The following ARID5B variants were observed in gnomAD, a reference collection of about 807,000 sequenced individuals.
ARID5B encodes AT-rich interactive domain-containing protein 5B.
Under a neutral mutation model 97.2 loss-of-function variants are expected in ARID5B, and 13 were observed. The observed-to-expected ratio is 0.13, with a 90% confidence interval of 0.09 to 0.21. The LOEUF (loss-of-function observed/expected upper bound fraction) is 0.21. Ranked by LOEUF, ARID5B falls within the 10% of genes least tolerant of loss-of-function variation. The probability of loss-of-function intolerance (pLI) is 1.00; values close to 1 mark genes in which losing one functional copy is unlikely to be tolerated. For synonymous variants in ARID5B, 556 were observed against 570.3 expected, an observed-to-expected ratio of 0.97 and a Z score of 0.36; for missense variants, 1,210 against 1,465.3, an observed-to-expected ratio of 0.83 and a Z score of 2.84.
In ARID5B at chr10:62,091,915, G is replaced by T; in HGVS notation, c.2452G>T (p.Ala818Ser). ...EGKDKLLEKR[A>S]LPHSHMPSFL... ...CAAGGATAAACTCTTAGAGAAAAGG[G>T]CCCTCCCCCATTCCCACATGCCTAG... The change falls in exon 10 of 10, where the codon GCC becomes TCC. Residue 818 changes from alanine to serine, a missense_variant. Ala to Ser is a moderately conservative substitution (Grantham distance 99). Coordinates refer to ENST00000279873, the MANE Select transcript of ARID5B (RefSeq NM_032199.3). The T allele has an allele frequency of 6.2e-7, 1 of 1,613,816 alleles. No homozygotes were observed.
intron 3 of ARID5B, among the ~76,000 whole-genome samples, chr10:61,968,035 G>A (rs189283149): frequency 5.3e-5 from 8 of 150,640 alleles, no homozygotes; most frequent in East Asian, 3.9e-4. Flanking sequence ...TTGAAAATGC[G>A]CATTTTCTTA....
At position 62,029,135 on chromosome 10, in the gene ARID5B, C is replaced by G. The variant is rs968429324; in HGVS notation, c.734-21753C>G. Reference sequence around the variant, plus strand: ...CAGTGAGTGCACAGAGAGGCCTAGGCTTTAGAATATCCAGAATATTGCAGA... The same window carrying G: ...CAGTGAGTGCACAGAGAGGCCTAGGGTTTAGAATATCCAGAATATTGCAGA... On this transcript the variant is annotated intron_variant, in intron 4 of 9. Transcript: ENST00000279873. 3.2e-4 allele frequency among the ~76,000 whole-genome samples: 49 copies of G among 152,286 alleles called. 1 individual carries two copies. The highest frequency in any genetic ancestry group is 6.2e-4 in the South Asian group (3 of 4,826).
intron 2 of ARID5B, among the ~76,000 whole-genome samples, chr10:61,909,550 C>T (rs572255357): frequency 1.3e-5 from 2 of 152,142 alleles, no homozygotes; most frequent in Non-Finnish European, 2.9e-5. Flanking sequence ...TGGTCCCGAT[C>T]TCCTGACCTC....
rs568045823 is a variant in ARID5B, at chr10:62,082,508, T to C, written c.1200-3194T>C. ...GCTGGAGTGCATGTTTGCTTTTATCTGTACAGTTTAGAAACTGATAAAATC... is the reference window on the plus strand; with the variant it reads ...GCTGGAGTGCATGTTTGCTTTTATCCGTACAGTTTAGAAACTGATAAAATC... On this transcript the variant is annotated intron_variant, in intron 8 of 9. Transcript: ENST00000279873. 1.7e-4 allele frequency among the ~76,000 whole-genome samples: 26 copies of C among 152,356 alleles called. No homozygotes were observed. In the South Asian group the frequency reaches 2.7e-3, roughly 16 times the overall value.
chr10:61,983,206 A>T (rs1838800759), intron 3 of ARID5B, among the ~76,000 whole-genome samples: 1 of 152,200 alleles, frequency 6.6e-6, no homozygotes, highest in Non-Finnish European at 1.5e-5. Flanking sequence ...AGCAGCCAAT[A>T]AAAAGAGAAT....
chr10:61,946,678 T>C (rs1260579689), intron 3 of ARID5B, among the ~76,000 whole-genome samples: 1 of 152,198 alleles, frequency 6.6e-6, no homozygotes, highest in Non-Finnish European at 1.5e-5. Flanking sequence ...ATCCCAAAAC[T>C]TTGGGAGGCC....
In ARID5B at chr10:62,057,177, G is replaced by T; in HGVS notation, c.907G>T (p.Val303Phe). ...KPKNNHNCKK[V>F]SNEEKPKVAI... ...GAAGAATAACCATAACTGTAAAAAA[G>T]TCTCAAATGAAGAAAAACCAAAGGT... Residue 303 changes from valine to phenylalanine, a missense_variant, in exon 6 of 10, where the codon GTC becomes TTC. Val to Phe is a conservative substitution (Grantham distance 50, BLOSUM62 -1). Around this residue, in one of 8 missense-constraint regions of ARID5B, gnomAD observed 132 missense variants for 156.7 expected, o/e 0.84. Coordinates refer to ENST00000279873, the MANE Select transcript of ARID5B (RefSeq NM_032199.3). 3 of 1,613,378 alleles carry T rather than the reference G, an allele frequency of 1.9e-6. No homozygotes were observed. Among genetic ancestry groups the T allele is most frequent in the Non-Finnish European group, 2.5e-6 (3 of 1,179,582 alleles).
chr10:62,000,628 C>T lies in ARID5B; in HGVS notation c.733+307C>T, dbSNP rs1839065398. 6.6e-6 allele frequency among the ~76,000 whole-genome samples: 1 copy of T among 152,142 alleles called. No individual in the cohort carries two copies. ...TTCATGTTACTTTTCTCTCAAAAGG[C>T]TTTGTCTATTCAAATGCTTTTTTAT... On this transcript the variant is annotated intron_variant, in intron 4 of 9. Coordinates refer to ENST00000279873, the MANE Select transcript of ARID5B (RefSeq NM_032199.3). The surrounding 1 kb of genome is among the most constrained non-coding windows in gnomAD (Gnocchi z 4.4).
chr10:62,074,220 G>A (rs901942763), intron 8 of ARID5B, among the ~76,000 whole-genome samples: 2 of 152,220 alleles, frequency 1.3e-5, no homozygotes, highest in Admixed American at 6.5e-5. Flanking sequence ...ACTTTATGAT[G>A]TGCATTTTTG....
At chr10:61,984,385 T>C (rs999588961) in intron 3 of ARID5B, among the ~76,000 whole-genome samples, 1 of 152,234 alleles carries the variant, frequency 6.6e-6, no homozygotes, top group Non-Finnish European at 1.5e-5. Context: ...GAGGAAAGCA[T>C]AGACATTATC....
chr10:62,028,052 G>T (rs925943772), intron 4 of ARID5B, among the ~76,000 whole-genome samples: 4 of 152,200 alleles, frequency 2.6e-5, no homozygotes, highest in African/African-American at 9.7e-5. Context: ...GGATGGATGA[G>T]TTAACTCTAA....
At chr10:62,019,173 C>A (rs894408862) in intron 4 of ARID5B, among the ~76,000 whole-genome samples, 2 of 152,050 alleles carry the variant, frequency 1.3e-5, no homozygotes, top group African/African-American at 4.8e-5. Flanking sequence ...AGTGCTAGCA[C>A]AATGGAAAAG....
intron 2 of ARID5B, among the ~76,000 whole-genome samples, chr10:61,919,049 C>G (rs939225976): frequency 3.7e-4 from 45 of 122,730 alleles, no homozygotes; most frequent in African/African-American, 1.2e-3. Flanking sequence ...CCCCCCCCCC[C>G]CCCAAAAAAA....
At chr10:61,925,905 C>T (rs1392905886) in intron 2 of ARID5B, among the ~76,000 whole-genome samples, 3 of 152,194 alleles carry the variant, frequency 2.0e-5, no homozygotes, top group Non-Finnish European at 4.4e-5. Context: ...GAGCAATCTT[C>T]TGTTTGTTTA....
At chr10:61,920,777 G>C (rs1024443282) in intron 2 of ARID5B, among the ~76,000 whole-genome samples, 6 of 152,094 alleles carry the variant, frequency 3.9e-5, no homozygotes, top group Non-Finnish European at 2.9e-5. Flanking sequence ...ATATTTATTA[G>C]GATGTACCAG....
chr10:61,966,825 A>G (rs539430902), intron 3 of ARID5B, among the ~76,000 whole-genome samples: 1 of 152,296 alleles, frequency 6.6e-6, no homozygotes, highest in East Asian at 1.9e-4. Flanking sequence ...CATGTGCTTC[A>G]GTTAATCAAT....
rs1272308060 is a variant in ARID5B at position 61,917,382 on chromosome 10, A to G, written c.276+14969A>G. On this transcript the variant is annotated intron_variant, in intron 2 of 9. Transcript: ENST00000279873. ...CGCTCTGTCGCCCAGGCTGGAGTGC[A>G]GTGATGCCATCTCGGCTCACTGCAA... Among the ~76,000 whole-genome samples the G allele has an allele frequency of 3.9e-5, 6 of 152,192 alleles. No individual in the cohort carries two copies. In the East Asian group the frequency reaches 9.7e-4, roughly 25 times the overall value.
intron 2 of ARID5B, 51 bp downstream of exon 2, chr10:61,902,464 G>C (rs766581818): frequency 1.9e-6 from 3 of 1,597,590 alleles, no homozygotes; most frequent in Admixed American, 1.7e-5. Context: ...TTTCCCCCTA[G>C]TAATGCTTAT....
chr10:62,053,775 G>T (rs1326202466), intron 5 of ARID5B, among the ~76,000 whole-genome samples: 1 of 152,218 alleles, frequency 6.6e-6, no homozygotes, highest in Non-Finnish European at 1.5e-5. Flanking sequence ...GTGGTGGGAA[G>T]TGTGTTCATT....
Sources: gnomAD v4.1 joint callset for allele counts (sites outside exome capture counted in the v4.1 genomes callset) on GRCh38, gnomAD v4.1.1 for gene constraint, gnomAD v4.1.1 regional missense constraint, Gnocchi (gnomAD v3.1) non-coding constraint, MANE v1.5 for transcripts, NCBI Gene and HGNC (gene_info 2026-07-23, HGNC 2026-07-21) for gene names.